VCAN: variants seen among roughly 807,000 people sequenced by gnomAD.
VCAN encodes versican.
A neutral mutation model predicts 245.5 loss-of-function variants in VCAN; 44 were observed. The ratio of observed to expected loss-of-function variants is 0.18; its 90% confidence interval spans 0.14 to 0.23. The LOEUF (loss-of-function observed/expected upper bound fraction) is 0.23. Ranked by LOEUF, VCAN falls within the 10% of genes least tolerant of loss-of-function variation. VCAN has a pLI of 1.00. For missense variants in VCAN, 3,793 were observed against 4,057.9 expected (o/e 0.93, Z 1.77); for synonymous variants, 1,413 against 1,437.0 (o/e 0.98, Z 0.38).
intron 12 of VCAN, among the ~76,000 whole-genome samples, chr5:83,557,814 G>T (rs16900580): frequency 2.6e-5 from 4 of 152,040 alleles, no homozygotes; most frequent in African/African-American, 9.7e-5. Flanking sequence ...CTCTTAATTA[G>T]TTGGCACTTT....
At chr5:83,532,482 T>C (rs1171233918) in intron 7 of VCAN, among the ~76,000 whole-genome samples, 2 of 152,040 alleles carry the variant, frequency 1.3e-5, no homozygotes, top group African/African-American at 4.8e-5. Context: ...AAATTTAGAT[T>C]GTATGTATAG....
At chr5:83,482,950 C>A (rs1041631917) in intron 1 of VCAN, among the ~76,000 whole-genome samples, 4 of 152,222 alleles carry the variant, frequency 2.6e-5, no homozygotes, top group African/African-American at 9.6e-5. Flanking sequence ...TACATGGAGT[C>A]TGTGCTTTAA....
intron 5 of VCAN, among the ~76,000 whole-genome samples, chr5:83,507,477 G>A (rs1048387445): frequency 6.6e-6 from 1 of 152,200 alleles, no homozygotes; most frequent in African/African-American, 2.4e-5. Context: ...AGATAAAAAG[G>A]TGGCTTTATG....
chr5:83,491,817 T>C (rs1744991222), intron 3 of VCAN, among the ~76,000 whole-genome samples: 1 of 152,206 alleles, frequency 6.6e-6, no homozygotes, highest in East Asian at 1.9e-4. Flanking sequence ...GCCCCTTTAC[T>C]GCCAATCTTC....
At chr5:83,533,365 T>C (rs749390748) in intron 7 of VCAN, among the ~76,000 whole-genome samples, 3 of 151,942 alleles carry the variant, frequency 2.0e-5, no homozygotes, top group African/African-American at 7.3e-5. Flanking sequence ...GAGAAAAGAG[T>C]TTAGTAAGGC....
At chr5:83,477,146 G>T (rs540596825) in intron 1 of VCAN, among the ~76,000 whole-genome samples, 50 of 152,178 alleles carry the variant, frequency 3.3e-4, no homozygotes, top group African/African-American at 1.1e-3. Context: ...TGAATATGCA[G>T]TTATAAAGAT....
rs140454437 is a variant in VCAN at position 83,520,833 on chromosome 5, A to G, written c.2527A>G (p.Ile843Val). Reference protein sequence around the residue: ...TVGMNGKDKDIPSFTEDGADE... With the variant: ...TVGMNGKDKDVPSFTEDGADE... ...GGGGATGAATGGAAAGGATAAAGAC[A>G]TCCCAAGTTTCACTGAAGATGGAGC... Residue 843 changes from isoleucine to valine, a missense_variant, in exon 7 of 15, where the codon ATC becomes GTC. Ile to Val is a conservative substitution (Grantham distance 29). Transcript: ENST00000265077. The G allele has an allele frequency of 1.9e-6, 3 of 1,614,046 alleles. No individual in the cohort carries two copies. In the African/African-American group the frequency reaches 4.0e-5, roughly 22 times the overall value.
rs748171940 is a variant in VCAN, at chr5:83,520,403, T to C, written c.2097T>C (p.Tyr699=). The change falls in exon 7 of 15, where the codon TAT becomes TAC. Residue 699 remains tyrosine, a synonymous_variant. Coordinates refer to ENST00000265077, the MANE Select transcript of VCAN (RefSeq NM_004385.5). Reference sequence around the variant, plus strand: ...TACCAGAGATGAGAACAGATACTTATACAGATGAAATACAAGAAGAGATCA... The same window carrying C: ...TACCAGAGATGAGAACAGATACTTACACAGATGAAATACAAGAAGAGATCA... The part of the protein sequence containing the change: ...TLIPEMRTDT[Y]TDEIQEEITK... 11 of 1,613,320 alleles carry C rather than the reference T, an allele frequency of 6.8e-6. No individual in the cohort carries two copies. Among genetic ancestry groups the C allele is most frequent in the South Asian group, 6.6e-5 (6 of 91,036 alleles).
chr5:83,580,096 C>T lies in VCAN; in HGVS notation c.9997C>T (p.His3333Tyr), dbSNP rs557950619. The change falls in exon 14 of 15, where the codon CAC (histidine) becomes TAC (tyrosine). Residue 3333 changes from histidine to tyrosine, a missense_variant. Transcript: ENST00000265077. ...YHCKDGFIQR[H>Y]LPTIRCLGNG... is the part of the protein sequence containing the mutation. ...CTGCAAAGATGGTTTCATTCAACGT[C>T]ACCTTCCAACTATCCGGTGCTTAGG... is the stretch of plus-strand genomic sequence containing the variant. The T allele has an allele frequency of 1.2e-6, 2 of 1,614,078 alleles. No homozygotes were observed. Among genetic ancestry groups the T allele is most frequent in the African/African-American group, 2.7e-5 (2 of 75,022 alleles).
chr5:83,565,386 TAAGG>T (rs1748032412), intron 12 of VCAN, among the ~76,000 whole-genome samples: 1 of 125,748 alleles, frequency 8.0e-6, no homozygotes, highest in Admixed American at 9.0e-5. Context: ...ATTGTATGTG[TAAGG>T]GTGTGTGTGT....
intron 1 of VCAN, among the ~76,000 whole-genome samples, chr5:83,473,559 A>G (rs1744274804): frequency 2.0e-5 from 3 of 151,958 alleles, no homozygotes; most frequent in African/African-American, 7.3e-5. Flanking sequence ...ACAGCTGACA[A>G]ATGAATGGCT....
intron 7 of VCAN, chr5:83,533,994 G>T (rs1281206492): frequency 6.6e-6 from 1 of 152,092 alleles, no homozygotes; most frequent in Non-Finnish European, 1.5e-5. Context: ...TTTACAATTA[G>T]AGTTCTTCTT....
intron 3 of VCAN, 93 bp downstream of exon 3, chr5:83,490,565 G>C: frequency 6.4e-7 from 1 of 1,569,918 alleles, no homozygotes. Flanking sequence ...TGTTGTTTGG[G>C]GTTTGGATGA....
At chr5:83,535,624 A>AG (rs923820356) in intron 7 of VCAN, 1 of 152,154 alleles carries the variant, frequency 6.6e-6, no homozygotes, top group African/African-American at 2.4e-5. Context: ...CTGATGAAAC[A>AG]GCAAAAGCTA....
At chr5:83,511,412 G>A (rs1745652204) in intron 5 of VCAN, among the ~76,000 whole-genome samples, 2 of 151,880 alleles carry the variant, frequency 1.3e-5, no homozygotes, top group South Asian at 2.1e-4. Flanking sequence ...AGTGGGAGGC[G>A]ACCTAGGCCT....
At chr5:83,570,585 G>A (rs2112496766) in intron 12 of VCAN, among the ~76,000 whole-genome samples, 1 of 152,146 alleles carries the variant, frequency 6.6e-6, no homozygotes, top group Non-Finnish European at 1.5e-5. Flanking sequence ...TTGTAAACTA[G>A]AGCTTATTGG....
In VCAN at chr5:83,539,504, TA is replaced by T; in HGVS notation, c.6504del (p.Glu2169LysfsTer2). 6.2e-7 allele frequency: 1 copy of T among 1,613,928 alleles called. No individual in the cohort carries two copies. Among genetic ancestry groups the T allele is most frequent in the Non-Finnish European group, 8.5e-7 (1 of 1,179,970 alleles). On this transcript the variant is annotated frameshift_variant, in exon 8 of 15. Transcript: ENST00000265077. LOFTEE classifies it high-confidence loss of function. Reference protein sequence around the residue: ...LTTKKTYSDDKEMKEEDTSLV... With the variant: ...LTTKKTYSDDXEMKEEDTSLV... The stretch of plus-strand genomic sequence containing the variant: ...CAACAAAGAAAACTTACAGTGATGA[TA>T]AAGAAATGAAGGAGGAAGACACTTC...
At chr5:83,510,323 T>C (rs1320724550) in intron 5 of VCAN, among the ~76,000 whole-genome samples, 1 of 152,218 alleles carries the variant, frequency 6.6e-6, no homozygotes, top group Admixed American at 6.5e-5. Flanking sequence ...CCATGACTAA[T>C]TTTTCTTGTT....
chr5:83,520,080 A>C lies in VCAN; in HGVS notation c.1774A>C (p.Thr592Pro). 6.2e-7 allele frequency: 1 copy of C among 1,613,922 alleles called. No individual in the cohort carries two copies. Among genetic ancestry groups the C allele is most frequent in the Non-Finnish European group, 8.5e-7 (1 of 1,179,942 alleles). Residue 592 changes from threonine to proline, a missense_variant, in exon 7 of 15, where the codon ACT becomes CCT. Coordinates refer to ENST00000265077, the MANE Select transcript of VCAN (RefSeq NM_004385.5). Reference sequence around the variant, plus strand: ...AAAGACTTCAGAAGACACCATCCACACTCATTTAGAAGACTTGGAGTCAGT... The same window carrying C: ...AAAGACTTCAGAAGACACCATCCACCCTCATTTAGAAGACTTGGAGTCAGT... The part of the protein sequence containing the change: ...VSKTSEDTIH[T>P]HLEDLESVSA...
Sources: allele counts gnomAD v4.1 joint callset (sites outside exome capture counted in the v4.1 genomes callset), GRCh38; gene constraint gnomAD v4.1.1; transcripts MANE v1.5; gene names NCBI Gene and HGNC (gene_info 2026-07-23, HGNC 2026-07-21).